The following HERC5 variants were observed in gnomAD, a reference collection of about 807,000 sequenced individuals.
HERC5 encodes E3 ISG15--protein ligase HERC5.
In HERC5, 99 loss-of-function variants were observed where a neutral mutation model predicts 119.6. The observed-to-expected ratio is 0.83, with a 90% CI of 0.70 to 0.98. HERC5 has a LOEUF of 0.98. HERC5 is among the 50% of genes least tolerant of loss of function. HERC5 has a pLI of 0.00. For missense variants in HERC5, 1,267 were observed against 1,241.3 expected, an observed-to-expected ratio of 1.02 and a Z score of -0.31; for synonymous variants, 478 against 445.9, an observed-to-expected ratio of 1.07 and a Z score of -0.91.
At chr4:88,462,748 G>A (rs974059203) in intron 4 of HERC5, among the ~76,000 whole-genome samples, 1 of 152,192 alleles carries the variant, frequency 6.6e-6, no homozygotes, top group Non-Finnish European at 1.5e-5. Flanking sequence ...AAGTCTGTTA[G>A]TGTATTATTA....
intron 12 of HERC5, among the ~76,000 whole-genome samples, chr4:88,478,005 A>T (rs1482955049): frequency 6.6e-6 from 1 of 152,232 alleles, no homozygotes; most frequent in Non-Finnish European, 1.5e-5. Context: ...AAAGAATGTG[A>T]TTAATTTTGC....
chr4:88,479,097 C>G (rs1741179921), intron 12 of HERC5, among the ~76,000 whole-genome samples: 1 of 151,964 alleles, frequency 6.6e-6, no homozygotes, highest in African/African-American at 2.4e-5. Context: ...ACCAGCCTGG[C>G]CAACATGGTG....
rs534137055 is a variant in HERC5, at chr4:88,497,349, A to G, written c.2445-2577A>G. Among the ~76,000 whole-genome samples the G allele has an allele frequency of 7.9e-5, 12 of 152,364 alleles. 1 individual carries two copies. The South Asian group carries it at 2.5e-3, about 32-fold the overall frequency. ...CTTCTTAGAGATTACCTAAGTGGTC[A>G]TGATCAGAATGTTAGTAGAAACGTA... is the stretch of plus-strand genomic sequence containing the variant. On this transcript the variant is annotated intron_variant, in intron 18 of 22. Coordinates refer to ENST00000264350, the MANE Select transcript of HERC5 (RefSeq NM_016323.4).
At chr4:88,491,705 A>G (rs1437283260) in intron 16 of HERC5, among the ~76,000 whole-genome samples, 5 of 152,274 alleles carry the variant, frequency 3.3e-5, no homozygotes, top group Middle Eastern at 3.4e-3. Flanking sequence ...GTTGGCGTAT[A>G]TCTCTGAAGT....
At chr4:88,489,422 G>T in intron 16 of HERC5, 86 bp downstream of exon 16, 1 of 1,242,004 alleles carries the variant, frequency 8.1e-7, no homozygotes, top group Non-Finnish European at 1.1e-6. Flanking sequence ...TAGAGAGGAA[G>T]TTATCTTCCT....
chr4:88,478,144 G>A (rs931985348), intron 12 of HERC5, among the ~76,000 whole-genome samples: 7 of 152,176 alleles, frequency 4.6e-5, no homozygotes, highest in Admixed American at 1.3e-4. Flanking sequence ...CCTAGCTGGA[G>A]TACAGTGGTA....
chr4:88,468,332 G>T lies in HERC5; in HGVS notation c.1058-14G>T, dbSNP rs200448008. On this transcript the variant is annotated splice_polypyrimidine_tract_variant and intron_variant, in intron 7 of 22. Coordinates refer to ENST00000264350, the MANE Select transcript of HERC5 (RefSeq NM_016323.4). ...TGACTTTCTAAAACTCTTACTCTTTGTGCATCCTTTCAGAAAGCCATACCT... is the reference window on the plus strand; with the variant it reads ...TGACTTTCTAAAACTCTTACTCTTTTTGCATCCTTTCAGAAAGCCATACCT... The T allele has an allele frequency of 9.7e-5, 154 of 1,587,812 alleles. No individual in the cohort carries two copies. Among genetic ancestry groups the T allele is most frequent in the Non-Finnish European group, 1.3e-4 (149 of 1,161,456 alleles).
In HERC5 at chr4:88,472,500, A is replaced by G. The variant is rs150546747; in HGVS notation, c.1390A>G (p.Met464Val). Reference sequence around the variant, plus strand: ...AACCCAAAAGGACTGGATTACTAACATGGTATCTTCAGATTGTTATGTGGA... The same window carrying G: ...AACCCAAAAGGACTGGATTACTAACGTGGTATCTTCAGATTGTTATGTGGA... ...ELTQKDWITN[M>V]ITTCLKDNLL... Residue 464 changes from methionine to valine, a missense_variant and splice_region_variant, in exon 11 of 23, where the codon ATG becomes GTG. Transcript: ENST00000264350. 170 of 1,528,294 alleles carry G rather than the reference A, an allele frequency of 1.1e-4. No individual in the cohort carries two copies. The African/African-American group carries it at 2.1e-3, about 19-fold the overall frequency. The allele number at this position is 1,528,294 out of a possible 1,614,324, so 94.7% of individuals were successfully genotyped here.
chr4:88,458,923 T>A (rs942701075), intron 1 of HERC5, among the ~76,000 whole-genome samples: 3 of 152,200 alleles, frequency 2.0e-5, no homozygotes, highest in African/African-American at 7.2e-5. Context: ...TGTTTATTAC[T>A]GTTATTTGCT....
chr4:88,479,850 G>T (rs985083042), intron 13 of HERC5, among the ~76,000 whole-genome samples: 1 of 152,012 alleles, frequency 6.6e-6, no homozygotes, highest in Admixed American at 6.6e-5. Flanking sequence ...GGCGGATCAC[G>T]AGGTCAGGAG....
intron 6 of HERC5, among the ~76,000 whole-genome samples, chr4:88,464,257 G>A (rs1740565086): frequency 7.0e-6 from 1 of 142,272 alleles, no homozygotes; most frequent in Admixed American, 7.3e-5. Context: ...CTATTCAGGT[G>A]CACTTTTGTC....
At chr4:88,479,130 C>G (rs1370115356) in intron 12 of HERC5, among the ~76,000 whole-genome samples, 1 of 151,716 alleles carries the variant, frequency 6.6e-6, no homozygotes, top group African/African-American at 2.4e-5. Context: ...TATAAAAATA[C>G]AAAAATTAGC....
At position 88,457,313 on chromosome 4, in the gene HERC5, C is replaced by T. The variant is rs1740182412; in HGVS notation, c.44C>T (p.Ser15Leu). The change falls in exon 1 of 23, where the codon TCG (serine) becomes TTG (leucine). Residue 15 changes from serine (S) to leucine (L), a missense_variant. Physicochemically the swap from Ser to Leu is moderately radical, Grantham distance 145. Transcript: ENST00000264350. ...AGGAAGTCGCGGCGCAACGGGCGCT[C>T]GACCGCGGGCAAGGCCGCCGCGACC... ...SRRKSRRNGR[S>L]TAGKAAATQP... 2 of 1,378,504 alleles carry T rather than the reference C, an allele frequency of 1.5e-6. No homozygotes were observed. The highest frequency in any genetic ancestry group is 1.9e-6 in the Non-Finnish European group (2 of 1,069,968). The allele number at this position is 1,378,504 out of a possible 1,614,324, so 85.4% of individuals were successfully genotyped here. A position where few individuals can be genotyped will look rare whatever the true frequency, so the allele number is the denominator to read the frequency against.
At chr4:88,483,288 A>G (rs1314140999) in intron 13 of HERC5, among the ~76,000 whole-genome samples, 4 of 151,790 alleles carry the variant, frequency 2.6e-5, no homozygotes, top group Non-Finnish European at 2.9e-5. Flanking sequence ...GGCTCACTGC[A>G]GCCTTGAACT....
intron 16 of HERC5, among the ~76,000 whole-genome samples, chr4:88,491,545 T>C (rs1741639540): frequency 6.6e-6 from 1 of 152,014 alleles, no homozygotes; most frequent in Non-Finnish European, 1.5e-5. Context: ...AGGGAGAAGA[T>C]TGTGTCAAGG....
At chr4:88,495,130 A>AT (rs1741761461) in intron 18 of HERC5, among the ~76,000 whole-genome samples, 1 of 152,246 alleles carries the variant, frequency 6.6e-6, no homozygotes, top group Non-Finnish European at 1.5e-5. Context: ...GGATCAGTGT[A>AT]TAGTAATATA....
Position 88,461,875 on chromosome 4 carries a change from T to C in HERC5, c.467-260T>C, listed in dbSNP as rs957137781. On this transcript the variant is annotated intron_variant, in intron 3 of 22. Transcript: ENST00000264350. ...AATATTTCTTGAATTTGATTTATAATCAAATTTATTATGTTGAAGATATTA... is the reference window on the plus strand; with the variant it reads ...AATATTTCTTGAATTTGATTTATAACCAAATTTATTATGTTGAAGATATTA... 7.2e-5 allele frequency among the ~76,000 whole-genome samples: 11 copies of C among 152,294 alleles called. No individual in the cohort carries two copies. In the East Asian group the frequency reaches 2.1e-3, roughly 29 times the overall value.
chr4:88,470,758 G>T, intron 10 of HERC5, 85 bp downstream of exon 10: 1 of 620,088 alleles, frequency 1.6e-6, no homozygotes, highest in South Asian at 2.4e-5. Context: ...GAGTAAAATA[G>T]CTGTGTGTTC....
chr4:88,485,412 C>T (rs2149100630), intron 13 of HERC5, among the ~76,000 whole-genome samples: 1 of 152,292 alleles, frequency 6.6e-6, no homozygotes, highest in Admixed American at 6.5e-5. Context: ...GAAACAGTCT[C>T]ACCAGACTTT....
Sources: gnomAD v4.1 joint callset for allele counts (sites outside exome capture counted in the v4.1 genomes callset) on GRCh38, gnomAD v4.1.1 for gene constraint, MANE v1.5 for transcripts, NCBI Gene and HGNC (gene_info 2026-07-23, HGNC 2026-07-21) for gene names.